The following ADGRG5 variants were observed in gnomAD, a reference collection of about 807,000 sequenced individuals.
ADGRG5 encodes G protein-coupled receptor 114.
ADGRG5 carries 37 observed loss-of-function variants against 53.2 expected under a neutral mutation model. That is an observed-to-expected ratio of 0.70 (90% CI 0.53 to 0.91). The LOEUF (loss-of-function observed/expected upper bound fraction) is 0.91, where lower values mean the gene tolerates loss of function less well. ADGRG5 is among the 40% of genes least tolerant of loss of function. ADGRG5 has a pLI of 0.00. For missense variants in ADGRG5, 614 were observed against 675.8 expected (o/e 0.91, Z 1.01); for synonymous variants, 277 against 290.4 (o/e 0.95, Z 0.47).
intron 1 of ADGRG5, among the ~76,000 whole-genome samples, chr16:57,546,435 T>C (rs2032622479): frequency 6.6e-6 from 1 of 152,208 alleles, no homozygotes; most frequent in Admixed American, 6.5e-5. Context: ...CATTTGCCCA[T>C]TTTTATATTG....
At position 57,577,171 on chromosome 16, in the gene ADGRG5, AGAGT is replaced by A. The variant is rs2033538301; in HGVS notation, c.*1634_*1637del. On this transcript the variant is annotated 3_prime_UTR_variant, in exon 12 of 12. Coordinates refer to ENST00000349457, the MANE Select transcript of ADGRG5 (RefSeq NM_001304376.3). ...GAATTCAAATAAAGAGACTTGGCAC[AGAGT>A]AAGTGCTCAGTAAATGGTTACTGGT... The A allele has an allele frequency of 6.6e-6, 1 of 152,268 alleles. No homozygotes were observed. Among genetic ancestry groups the A allele is most frequent in the African/African-American group, 2.4e-5 (1 of 41,466 alleles). 9.4% of individuals were successfully genotyped at this position (152,268 alleles called of 1,614,324 possible).
At chr16:57,552,647 C>T (rs1408097181) in intron 1 of ADGRG5, among the ~76,000 whole-genome samples, 1 of 152,200 alleles carries the variant, frequency 6.6e-6, no homozygotes, top group Non-Finnish European at 1.5e-5. Context: ...ATCACTGAAG[C>T]TTTCTCCATA....
intron 9 of ADGRG5, 82 bp downstream of exon 9, chr16:57,568,206 C>T: frequency 1.4e-6 from 2 of 1,423,366 alleles, no homozygotes; most frequent in Non-Finnish European, 1.9e-6. Context: ...CTTTCCCCTC[C>T]TCCTCATCGT....
At chr16:57,556,908 C>CTTCT (rs765304826) in intron 1 of ADGRG5, among the ~76,000 whole-genome samples, 41 of 115,782 alleles carry the variant, frequency 3.5e-4, no homozygotes, top group Non-Finnish European at 4.3e-4. Context: ...TTGCCTTCTT[C>CTTCT]TTTTTTTTTT....
upstream of ADGRG5, among the ~76,000 whole-genome samples, chr16:57,538,589 C>T (rs2032442758): frequency 6.6e-6 from 1 of 152,126 alleles, no homozygotes; most frequent in Non-Finnish European, 1.5e-5. Flanking sequence ...TTCAATTTTA[C>T]CATAGTTCTC....
chr16:57,567,738 T>G (rs2033176675), intron 8 of ADGRG5, 118 bp from the exon 9 acceptor site: 1 of 1,417,664 alleles, frequency 7.1e-7, no homozygotes, highest in Non-Finnish European at 9.6e-7. Context: ...GCGACTGCTG[T>G]GGGATCCCTG....
chr16:57,565,239 T>C (rs1864673784), intron 6 of ADGRG5, 89 bp downstream of exon 6: 2 of 702,122 alleles, frequency 2.8e-6, no homozygotes, highest in Non-Finnish European at 5.0e-6. Context: ...CCCAAACCTG[T>C]GGAACCATCT....
At chr16:57,564,892 G>GA (rs369788123) in intron 5 of ADGRG5, 142 bp from the exon 6 acceptor site, 615 of 620,880 alleles carry the variant, frequency 9.9e-4, no homozygotes, top group Non-Finnish European at 1.4e-3. Context: ...GGAAGGCTGG[G>GA]AGGCTGGGAG....
At chr16:57,554,070 A>G (rs73547011) in intron 1 of ADGRG5, among the ~76,000 whole-genome samples, 10,809 of 151,830 alleles carry the variant, frequency 0.071, 1,009 homozygotes, top group African/African-American at 0.22. Context: ...CCTATTTTCT[A>G]TTTTTTCTTG....
rs1021890373 is a variant in ADGRG5 at position 57,566,666 on chromosome 16, G to T, written c.614G>T (p.Ser205Ile). The change falls in exon 7 of 12, where the codon AGC becomes ATC. Residue 205 changes from serine (S) to isoleucine (I), a missense_variant. Transcript: ENST00000349457. ...GARKQPWGGWSPEGCRTEQPS... is the reference protein window; with the variant it reads ...GARKQPWGGWIPEGCRTEQPS... Reference sequence around the variant, plus strand: ...AGGAAACAGCCCTGGGGGGGCTGGAGCCCTGAGGGCTGTCGTACAGAGCAG... The same window carrying T: ...AGGAAACAGCCCTGGGGGGGCTGGATCCCTGAGGGCTGTCGTACAGAGCAG... The T allele has an allele frequency of 1.3e-6, 2 of 1,593,790 alleles. No homozygotes were observed. The highest frequency in any genetic ancestry group is 1.7e-6 in the Non-Finnish European group (2 of 1,170,646).
chr16:57,546,691 T>A (rs1431712551), intron 1 of ADGRG5, among the ~76,000 whole-genome samples: 1 of 152,192 alleles, frequency 6.6e-6, no homozygotes, highest in Non-Finnish European at 1.5e-5. Context: ...TAGAAAAACC[T>A]TCCCCACTCC....
At chr16:57,573,455 G>A (rs983496473) in intron 10 of ADGRG5, among the ~76,000 whole-genome samples, 1 of 149,690 alleles carries the variant, frequency 6.7e-6, no homozygotes, top group Admixed American at 6.7e-5. Context: ...AAAGGAAAGA[G>A]TGAGGCATGA....
chr16:57,550,726 T>G (rs2032726337), intron 1 of ADGRG5, among the ~76,000 whole-genome samples: 1 of 152,124 alleles, frequency 6.6e-6, no homozygotes, highest in African/African-American at 2.4e-5. Flanking sequence ...GGTTTCCCAG[T>G]GCATATAAAA....
At chr16:57,562,725 T>C in intron 3 of ADGRG5, 1 of 550,380 alleles carries the variant, frequency 1.8e-6, no homozygotes, top group Admixed American at 3.2e-5. Context: ...GAAGGGGGTC[T>C]AAGATTCTGG....
chr16:57,564,912 G>C (rs2033094671), intron 5 of ADGRG5, 122 bp from the exon 6 acceptor site: 2 of 663,254 alleles, frequency 3.0e-6, no homozygotes, highest in Non-Finnish European at 5.4e-6. Context: ...GGCTGAGAAA[G>C]CTTTCACGCT....
At chr16:57,554,863 G>A (rs1164699375) in intron 1 of ADGRG5, among the ~76,000 whole-genome samples, 2 of 151,926 alleles carry the variant, frequency 1.3e-5, no homozygotes, top group African/African-American at 4.8e-5. Context: ...ATTATGTTGT[G>A]TTTTCATTTT....
At chr16:57,545,961 G>GGA (rs1168757338) in intron 1 of ADGRG5, among the ~76,000 whole-genome samples, 9 of 152,082 alleles carry the variant, frequency 5.9e-5, no homozygotes, top group African/African-American at 2.2e-4. Context: ...GAGTAGCTGG[G>GGA]ATTACAGGCA....
chr16:57,561,804 G>A (rs975566466), intron 1 of ADGRG5, among the ~76,000 whole-genome samples: 1 of 152,226 alleles, frequency 6.6e-6, no homozygotes, highest in African/African-American at 2.4e-5. Context: ...GGGAAGGGGA[G>A]TGTATCAGGC....
intron 3 of ADGRG5, 184 bp downstream of exon 3, chr16:57,562,643 G>A: frequency 1.7e-6 from 1 of 582,256 alleles, no homozygotes; most frequent in South Asian, 2.1e-5. Context: ...TTATCATCGA[G>A]GAATGGGGGC....
Sources: allele counts gnomAD v4.1 joint callset (sites outside exome capture counted in the v4.1 genomes callset), GRCh38; gene constraint gnomAD v4.1.1; transcripts MANE v1.5; gene names NCBI Gene and HGNC (gene_info 2026-07-23, HGNC 2026-07-21).